Variants in PDE10A observed in about 807,000 individuals in gnomAD.
The protein encoded by PDE10A is cAMP and cAMP-inhibited cGMP 3',5'-cyclic phosphodiesterase 10A.
PDE10A carries 39 observed loss-of-function variants against 97.7 expected under a neutral mutation model. The observed-to-expected ratio is 0.40, with a 90% confidence interval of 0.31 to 0.52. PDE10A has a LOEUF of 0.52. PDE10A is among the 20% of genes least tolerant of loss of function. The probability of loss-of-function intolerance (pLI) is 0.56; values close to 1 mark genes in which losing one functional copy is unlikely to be tolerated. For missense variants in PDE10A, 731 were observed against 1,047.8 expected, an observed-to-expected ratio of 0.70 and a Z score of 4.17; for synonymous variants, 371 against 376.8, an observed-to-expected ratio of 0.98 and a Z score of 0.18.
intron 1 of PDE10A, among the ~76,000 whole-genome samples, chr6:165,708,648 G>GC (rs1218041899): frequency 6.6e-6 from 1 of 151,680 alleles, no homozygotes; most frequent in Middle Eastern, 3.2e-3. Context: ...ATGCCTCCTT[G>GC]CATCCAATCG....
rs1053024841 is a variant in PDE10A at position 165,445,559 on chromosome 6, T to C, written c.1194+3369A>G. Among the ~76,000 whole-genome samples the C allele has an allele frequency of 3.9e-5, 6 of 152,238 alleles. No individual in the cohort carries two copies. The South Asian group carries it at 1.2e-3, about 31-fold the overall frequency. ...ACAGGCAACAGGCCAAACATTCATCTTGGGTTGAAGGACAAATACACTTAC... is the reference window on the plus strand; with the variant it reads ...ACAGGCAACAGGCCAAACATTCATCCTGGGTTGAAGGACAAATACACTTAC... On this transcript the variant is annotated intron_variant, in intron 5 of 21. Transcript: ENST00000539869.
At chr6:165,911,534 C>T (rs889059088) in intron 1 of PDE10A, among the ~76,000 whole-genome samples, 4 of 152,094 alleles carry the variant, frequency 2.6e-5, no homozygotes. Flanking sequence ...CACTGCTAAT[C>T]CAGTAACTCC....
rs1050338863 is a variant in PDE10A at position 165,953,604 on chromosome 6, A to G, written c.-615+33925T>C. On this transcript the variant is annotated intron_variant, in intron 1 of 19. Coordinates refer to the PDE10A transcript ENST00000366882. ...AGACTTCGTCTCAAAAAAAAAAAAAATAGATTTCTATTTTTTAGAGAAGTT... is the reference window on the plus strand; with the variant it reads ...AGACTTCGTCTCAAAAAAAAAAAAAGTAGATTTCTATTTTTTAGAGAAGTT... 3.4e-5 allele frequency among the ~76,000 whole-genome samples: 5 copies of G among 148,180 alleles called. No homozygotes were observed. In the East Asian group the frequency reaches 9.9e-4, roughly 29 times the overall value.
At chr6:165,894,475 G>T (rs979859011) in intron 1 of PDE10A, 1 of 455,942 alleles carries the variant, frequency 2.2e-6, no homozygotes, top group Non-Finnish European at 4.4e-6. Flanking sequence ...TGGTGGAGAG[G>T]GAAAACCTAG....
intron 1 of PDE10A, among the ~76,000 whole-genome samples, chr6:165,707,613 C>A (rs1479103177): frequency 6.6e-6 from 1 of 151,526 alleles, no homozygotes; most frequent in Non-Finnish European, 1.5e-5. Flanking sequence ...AGTGTGTGTG[C>A]ATGTGTGAGC....
chr6:165,976,868 C>T (rs1784863905), intron 1 of PDE10A, among the ~76,000 whole-genome samples: 1 of 152,222 alleles, frequency 6.6e-6, no homozygotes, highest in African/African-American at 2.4e-5. Context: ...TGCCATCCTC[C>T]TGTCCCCACC....
At chr6:165,678,942 A>G (rs1039155324) in intron 1 of PDE10A, among the ~76,000 whole-genome samples, 2 of 152,212 alleles carry the variant, frequency 1.3e-5, no homozygotes, top group Non-Finnish European at 2.9e-5. Flanking sequence ...GTGTATGTTA[A>G]GGAATGCATT....
intron 1 of PDE10A, among the ~76,000 whole-genome samples, chr6:165,906,038 T>C (rs9459527): frequency 5.4e-3 from 8 of 1,482 alleles, no homozygotes; most frequent in African/African-American, 6.0e-3. Flanking sequence ...CCTTCCTTCC[T>C]TCCTTCCTTC....
intron 15 of PDE10A, among the ~76,000 whole-genome samples, chr6:165,393,952 A>G (rs906288695): frequency 1.3e-5 from 2 of 152,156 alleles, no homozygotes; most frequent in Non-Finnish European, 2.9e-5. Context: ...ATTACTGACA[A>G]AGTATCACAC....
intron 1 of PDE10A, among the ~76,000 whole-genome samples, chr6:165,621,771 A>AAG (rs112872551): frequency 1.4e-3 from 183 of 134,786 alleles, no homozygotes; most frequent in Middle Eastern, 7.6e-3. Context: ...AAGAAAAAAA[A>AAG]AAGAAGAAGA....
chr6:165,915,879 T>C (rs1010176977), intron 1 of PDE10A, among the ~76,000 whole-genome samples: 5 of 152,278 alleles, frequency 3.3e-5, no homozygotes, highest in African/African-American at 1.2e-4. Flanking sequence ...GGCATTTTGA[T>C]GATTATTGCT....
intron 18 of PDE10A, among the ~76,000 whole-genome samples, chr6:165,349,334 G>A (rs1421419670): frequency 6.6e-6 from 1 of 152,112 alleles, no homozygotes; most frequent in Non-Finnish European, 1.5e-5. Context: ...ATGTAGATGA[G>A]GAACTTGTTG....
intron 1 of PDE10A, among the ~76,000 whole-genome samples, chr6:165,597,547 T>G (rs1786672611): frequency 6.6e-6 from 1 of 152,214 alleles, no homozygotes; most frequent in Admixed American, 6.5e-5. Flanking sequence ...GACATATGTA[T>G]GATATTAATG....
chr6:165,691,108 C>CG lies in PDE10A; in HGVS notation c.-614-147541_-614-147540insC, dbSNP rs1410127335. Among the ~76,000 whole-genome samples, 6 of 34,868 alleles carry CG rather than the reference C, an allele frequency of 1.7e-4. 2 individuals carry two copies. The highest frequency in any genetic ancestry group is 9.0e-4 in the Admixed American group (4 of 4,448). The allele number at this position is 34,868 out of a possible 152,430, so 22.9% of individuals were successfully genotyped here. ...CTCTCTCTCTCTCTCTTTCTCTCTC[C>CG]CCCCCCCCATCAGTGCCTGTGGTCA... On this transcript the variant is annotated intron_variant, in intron 1 of 19. Transcript: ENST00000366882.
At chr6:165,395,731 T>C (rs1786113118) in intron 14 of PDE10A, among the ~76,000 whole-genome samples, 1 of 152,176 alleles carries the variant, frequency 6.6e-6, no homozygotes, top group African/African-American at 2.4e-5. Flanking sequence ...AACATTAGAC[T>C]TGAATAAACA....
intron 1 of PDE10A, among the ~76,000 whole-genome samples, chr6:165,559,170 G>A (rs554921139): frequency 6.6e-6 from 1 of 152,240 alleles, no homozygotes; most frequent in Admixed American, 6.5e-5. Context: ...ATAAAAGGTG[G>A]TGAAGGATTC....
At chr6:165,883,947 C>T (rs1781559544) in intron 1 of PDE10A, among the ~76,000 whole-genome samples, 1 of 152,120 alleles carries the variant, frequency 6.6e-6, no homozygotes, top group Non-Finnish European at 1.5e-5. Context: ...AGGGGAGGTC[C>T]TCGAGGGGAA....
chr6:165,948,521 G>A (rs1783851741), intron 1 of PDE10A: 1 of 152,324 alleles, frequency 6.6e-6, no homozygotes, highest in Non-Finnish European at 1.5e-5. Flanking sequence ...CCAAGGTGAT[G>A]TTCTACCTCA....
chr6:165,871,395 G>A (rs894627529), intron 1 of PDE10A, among the ~76,000 whole-genome samples: 3 of 152,200 alleles, frequency 2.0e-5, no homozygotes, highest in Non-Finnish European at 4.4e-5. Context: ...GGGATGAAGT[G>A]GTGGGGATGA....
Sources: allele counts gnomAD v4.1 joint callset (sites outside exome capture counted in the v4.1 genomes callset), GRCh38; gene constraint gnomAD v4.1.1; transcripts MANE v1.5; gene names NCBI Gene and HGNC (gene_info 2026-07-23, HGNC 2026-07-21).